KAZN: variants seen among roughly 807,000 people sequenced by gnomAD.
KAZN encodes kazrin.
In KAZN, 40 loss-of-function variants were observed where a neutral mutation model predicts 87.4. That is an observed-to-expected ratio of 0.46 (90% CI 0.36 to 0.60). The LOEUF is 0.60. KAZN is among the 20% of genes least tolerant of loss of function. The pLI is 0.00. For synonymous variants in KAZN, 466 were observed against 458.3 expected, an observed-to-expected ratio of 1.02 and a Z score of -0.22; for missense variants, 898 against 1,073.9, an observed-to-expected ratio of 0.84 and a Z score of 2.29.
chr1:14,030,060 T>A (rs61777708), intron 1 of KAZN, among the ~76,000 whole-genome samples: 646 of 126,892 alleles, frequency 5.1e-3, no homozygotes, highest in South Asian at 8.6e-3. Flanking sequence ...GTAAATTACC[T>A]TGGGCAGTAT....
chr1:14,264,935 A>G (rs192996236), intron 2 of KAZN, among the ~76,000 whole-genome samples: 1 of 152,200 alleles, frequency 6.6e-6, no homozygotes, highest in Non-Finnish European at 1.5e-5. Flanking sequence ...TCTCTTATTC[A>G]TGAGTGATTA....
chr1:14,730,838 G>A (rs1205508578), intron 1 of KAZN, among the ~76,000 whole-genome samples: 2 of 152,122 alleles, frequency 1.3e-5, no homozygotes, highest in South Asian at 2.1e-4. Flanking sequence ...CCAAGACCCA[G>A]GTGGCTCTAA....
At chr1:14,035,169 A>AGG (rs763718812) in intron 1 of KAZN, among the ~76,000 whole-genome samples, 24 of 152,318 alleles carry the variant, frequency 1.6e-4, no homozygotes, top group Non-Finnish European at 2.8e-4. Flanking sequence ...CCTGGTAGGA[A>AGG]GGGCAGATAG....
chr1:14,914,404 G>A (rs772883582), intron 1 of KAZN, among the ~76,000 whole-genome samples: 2 of 152,214 alleles, frequency 1.3e-5, no homozygotes, highest in Non-Finnish European at 2.9e-5. Flanking sequence ...GTGTTGGGAT[G>A]CCTAATTACT....
chr1:15,013,519 CA>C (rs1669787734), intron 2 of KAZN, among the ~76,000 whole-genome samples: 1 of 152,080 alleles, frequency 6.6e-6, no homozygotes, highest in Non-Finnish European at 1.5e-5. Context: ...TTTGGGAGGC[CA>C]AAGTGGGCGG....
chr1:14,089,057 G>A (rs1404587296), intron 1 of KAZN, among the ~76,000 whole-genome samples: 1 of 150,460 alleles, frequency 6.6e-6, no homozygotes, highest in Non-Finnish European at 1.5e-5. Flanking sequence ...GCAAAACTGA[G>A]AAGGTGCAAA....
At chr1:14,555,134 G>T (rs527808192) in intron 2 of KAZN, among the ~76,000 whole-genome samples, 2 of 152,308 alleles carry the variant, frequency 1.3e-5, no homozygotes, top group Admixed American at 6.5e-5. Flanking sequence ...TTTACCCCAA[G>T]GATGGAAGTC....
chr1:14,154,426 A>T (rs1455004863), intron 1 of KAZN, among the ~76,000 whole-genome samples: 2 of 152,178 alleles, frequency 1.3e-5, no homozygotes, highest in East Asian at 3.8e-4. Context: ...CCAATATAAG[A>T]TCATATCATC....
intron 2 of KAZN, among the ~76,000 whole-genome samples, chr1:14,248,459 C>G (rs1484623825): frequency 6.6e-6 from 1 of 152,208 alleles, no homozygotes; most frequent in Non-Finnish European, 1.5e-5. Context: ...AAGAATCGGA[C>G]AGCTCCAATA....
At chr1:14,655,811 G>A (rs987606504) in intron 1 of KAZN, among the ~76,000 whole-genome samples, 5 of 152,112 alleles carry the variant, frequency 3.3e-5, no homozygotes, top group East Asian at 1.9e-4. Flanking sequence ...AACCCCTGTC[G>A]ACTCCAGTGG....
chr1:14,444,193 C>A (rs1381002145), intron 2 of KAZN, among the ~76,000 whole-genome samples: 4 of 152,120 alleles, frequency 2.6e-5, no homozygotes, highest in Non-Finnish European at 5.9e-5. Context: ...TGTACATATA[C>A]CCCTTATGGA....
At chr1:15,052,996 T>A (rs1238943935) in intron 4 of KAZN, among the ~76,000 whole-genome samples, 3 of 152,322 alleles carry the variant, frequency 2.0e-5, no homozygotes, top group African/African-American at 7.2e-5. Flanking sequence ...AAGGGCTGCC[T>A]GTTTCAGGGG....
At chr1:14,887,660 G>C (rs11803537) in intron 1 of KAZN, among the ~76,000 whole-genome samples, 1 of 148,690 alleles carries the variant, frequency 6.7e-6, no homozygotes, top group African/African-American at 2.5e-5. Flanking sequence ...TCAACCCGTC[G>C]TGGTAGTTTT....
intron 2 of KAZN, among the ~76,000 whole-genome samples, chr1:14,383,268 C>T (rs1661539513): frequency 6.7e-6 from 1 of 149,206 alleles, no homozygotes; most frequent in Non-Finnish European, 1.5e-5. Context: ...TGTAGGTTGC[C>T]TGTTCACTCT....
At chr1:15,110,511 GTGTT>G (rs1557807182) in intron 13 of KAZN, among the ~76,000 whole-genome samples, 2,992 of 91,106 alleles carry the variant, frequency 0.033, 120 homozygotes, top group African/African-American at 0.11. Flanking sequence ...GTGTATTTGT[GTGTT>G]TGTGTGTATG....
intron 1 of KAZN, among the ~76,000 whole-genome samples, chr1:14,717,670 G>A (rs1014963854): frequency 1.3e-5 from 2 of 152,210 alleles, no homozygotes; most frequent in African/African-American, 4.8e-5. Flanking sequence ...CCGAGGTTCA[G>A]AGTGGACATG....
At chr1:14,250,521 G>A (rs1649925052) in intron 2 of KAZN, among the ~76,000 whole-genome samples, 1 of 151,498 alleles carries the variant, frequency 6.6e-6, no homozygotes, top group African/African-American at 2.4e-5. Flanking sequence ...GAGATCTAAG[G>A]AAGGAAAAAG....
chr1:14,856,907 A>T lies in KAZN; in HGVS notation c.227-103777A>T, dbSNP rs1650183268. 6.6e-6 allele frequency among the ~76,000 whole-genome samples: 1 copy of T among 152,120 alleles called. No individual in the cohort carries two copies. The highest frequency in any genetic ancestry group is 1.5e-5 in the Non-Finnish European group (1 of 68,030). On this transcript the variant is annotated intron_variant, in intron 1 of 14. Transcript: ENST00000376030. The surrounding 1 kb of genome is among the most constrained non-coding windows in gnomAD (Gnocchi z 5.2). The stretch of plus-strand genomic sequence containing the variant: ...TTGGAGTTGCTTAATTAAGCAGAGG[A>T]AGCTAAAAGATGCTTTGGAAACTAT...
intron 1 of KAZN, among the ~76,000 whole-genome samples, chr1:14,160,303 G>C (rs1015618865): frequency 2.0e-5 from 3 of 152,310 alleles, no homozygotes; most frequent in African/African-American, 7.2e-5. Flanking sequence ...TCAGTGGGCA[G>C]GCATCAGCTG....
Sources: gnomAD v4.1 joint callset for allele counts (sites outside exome capture counted in the v4.1 genomes callset) on GRCh38, gnomAD v4.1.1 for gene constraint, Gnocchi (gnomAD v3.1) non-coding constraint, MANE v1.5 for transcripts, NCBI Gene and HGNC (gene_info 2026-07-23, HGNC 2026-07-21) for gene names.